The following RAPGEFL1 variants were observed in gnomAD, a reference collection of about 807,000 sequenced individuals.
The protein encoded by RAPGEFL1 is Rap guanine nucleotide exchange factor like 1.
Under a neutral mutation model 64.4 loss-of-function variants are expected in RAPGEFL1, and 31 were observed. That is an observed-to-expected ratio of 0.48 (90% CI 0.36 to 0.65). RAPGEFL1 has a LOEUF of 0.65. RAPGEFL1 is among the 30% of genes least tolerant of loss of function. RAPGEFL1 has a pLI of 0.00. For synonymous variants in RAPGEFL1, 331 were observed against 274.1 expected (o/e 1.21, Z -2.05); for missense variants, 682 against 677.4 (o/e 1.01, Z -0.08).
chr17:40,178,313 C>T lies in RAPGEFL1; in HGVS notation c.452C>T (p.Pro151Leu). The T allele has an allele frequency of 3.2e-6, 2 of 618,544 alleles. No homozygotes were observed. The highest frequency in any genetic ancestry group is 5.8e-6 in the Non-Finnish European group (2 of 342,926). 38.3% of individuals were successfully genotyped at this position (618,544 alleles called of 1,614,324 possible). A position where few individuals can be genotyped will look rare whatever the true frequency, so the allele number is the denominator to read the frequency against. ...PWAPLGAPER[P>L]EHLLNRVLER... Reference sequence around the variant, plus strand: ...GCCCCTCTGGGCGCCCCCGAGCGGCCCGAGCATCTTCTGAACCGGGTTCTG... The same window carrying T: ...GCCCCTCTGGGCGCCCCCGAGCGGCTCGAGCATCTTCTGAACCGGGTTCTG... The change falls in exon 1 of 15, where the codon CCC (proline) becomes CTC (leucine). Residue 151 changes from proline (P) to leucine (L), a missense_variant. Pro to Leu is a moderately conservative substitution (Grantham distance 98, BLOSUM62 -3). Coordinates refer to ENST00000620260, the MANE Select transcript of RAPGEFL1 (RefSeq NM_016339.6).
intron 4 of RAPGEFL1, 32 bp from the exon 5 acceptor site, chr17:40,188,834 G>A (rs148061505): frequency 1.7e-5 from 26 of 1,572,340 alleles, no homozygotes; most frequent in Middle Eastern, 1.7e-4. Flanking sequence ...TGCCTGGCAG[G>A]GCGTGCTGAT....
rs1464034504 is a variant in RAPGEFL1 at position 40,191,291 on chromosome 17, C to T, written c.1336-25C>T. ...TCCCCTCACCCCCTGGCGCCCTGGCCGCCCCTCCGCTGCCGTGGGTGCAGC... is the reference window on the plus strand; with the variant it reads ...TCCCCTCACCCCCTGGCGCCCTGGCTGCCCCTCCGCTGCCGTGGGTGCAGC... On this transcript the variant is annotated intron_variant, in intron 8 of 14. Coordinates refer to ENST00000620260, the MANE Select transcript of RAPGEFL1 (RefSeq NM_016339.6). This position sits in a 1 kb window ranked among gnomAD's most constrained non-coding sequence, Gnocchi z 5.1. The T allele has an allele frequency of 5.9e-6, 9 of 1,533,450 alleles. No homozygotes were observed. The highest frequency in any genetic ancestry group is 7.8e-6 in the Non-Finnish European group (9 of 1,149,242). The allele number at this position is 1,533,450 out of a possible 1,614,324, so 95.0% of individuals were successfully genotyped here.
intron 6 of RAPGEFL1, among the ~76,000 whole-genome samples, chr17:40,190,072 G>C (rs143931149): frequency 6.6e-6 from 1 of 152,180 alleles, no homozygotes; most frequent in East Asian, 1.9e-4. Flanking sequence ...TGTATGTAAG[G>C]ATGCCACATT....
chr17:40,182,130 C>T (rs1989914179), intron 2 of RAPGEFL1, among the ~76,000 whole-genome samples: 1 of 152,030 alleles, frequency 6.6e-6, no homozygotes, highest in South Asian at 2.1e-4. Flanking sequence ...CCCAGCTTTT[C>T]TACTCATCAG....
chr17:40,190,355 T>C, intron 6 of RAPGEFL1, 79 bp from the exon 7 acceptor site: 1 of 1,249,788 alleles, frequency 8.0e-7, no homozygotes, highest in Non-Finnish European at 1.2e-6. Flanking sequence ...GAGGAGTTTT[T>C]GGATAGGACA....
intron 1 of RAPGEFL1, among the ~76,000 whole-genome samples, chr17:40,180,770 A>G (rs954769799): frequency 3.3e-5 from 5 of 152,158 alleles, no homozygotes; most frequent in African/African-American, 1.2e-4. Flanking sequence ...ACCACAGGAG[A>G]TAGTGAACCA....
At chr17:40,188,443 G>T (rs758023702) in intron 4 of RAPGEFL1, 22 of 199,884 alleles carry the variant, frequency 1.1e-4, no homozygotes, top group Admixed American at 2.2e-4. Flanking sequence ...GCAAAATTCA[G>T]CAAACAGCTG....
chr17:40,190,371 AGTGT>A, intron 6 of RAPGEFL1, 59 bp from the exon 7 acceptor site: 1 of 1,401,786 alleles, frequency 7.1e-7, no homozygotes, highest in South Asian at 1.2e-5. Context: ...GGACAGTGTC[AGTGT>A]GGGATGTGTG....
Position 40,191,749 on chromosome 17 carries a change from C to A in RAPGEFL1, c.1605+77C>A. ...CCGAAGTGCGTCCTCCCGGGACGGCCGCCGGCCTGGAGGGAGTCTTTGCGC... is the reference window on the plus strand; with the variant it reads ...CCGAAGTGCGTCCTCCCGGGACGGCAGCCGGCCTGGAGGGAGTCTTTGCGC... On this transcript the variant is annotated intron_variant, in intron 10 of 14. Coordinates refer to ENST00000620260, the MANE Select transcript of RAPGEFL1 (RefSeq NM_016339.6). The surrounding 1 kb of genome is among the most constrained non-coding windows in gnomAD (Gnocchi z 5.1). 7.0e-7 allele frequency: 1 copy of A among 1,438,454 alleles called. No homozygotes were observed. Among genetic ancestry groups the A allele is most frequent in the Non-Finnish European group, 9.6e-7 (1 of 1,043,156 alleles). 89.1% of individuals were successfully genotyped at this position (1,438,454 alleles called of 1,614,324 possible). A position where few individuals can be genotyped will look rare whatever the true frequency, so the allele number is the denominator to read the frequency against.
Position 40,190,667 on chromosome 17 carries a change from TCCC to T in RAPGEFL1, c.1242_1244del (p.Pro415del), listed in dbSNP as rs1283620960. On this transcript the variant is annotated inframe_deletion, in exon 8 of 15. Transcript: ENST00000620260. The stretch of plus-strand genomic sequence containing the variant: ...GCCCCTCCCCGAGGAGATCCAGGTC[TCCC>T]CTGGAGACACAGAGATCCACCGAGT... 1 of 1,614,074 alleles carries T rather than the reference TCCC, an allele frequency of 6.2e-7. No homozygotes were observed. Among genetic ancestry groups the T allele is most frequent in the Non-Finnish European group, 8.5e-7 (1 of 1,180,010 alleles).
intron 4 of RAPGEFL1, among the ~76,000 whole-genome samples, chr17:40,187,912 CTTTTTTTTTT>C (rs1004508368): frequency 8.0e-6 from 1 of 125,156 alleles, no homozygotes; most frequent in Non-Finnish European, 1.7e-5. Context: ...CGCGCCTGGC[CTTTTTTTTTT>C]TTTTTTTTTT....
At chr17:40,189,491 G>A (rs758841609) in intron 6 of RAPGEFL1, 116 bp downstream of exon 6, 78 of 1,197,896 alleles carry the variant, frequency 6.5e-5, no homozygotes, top group East Asian at 5.0e-4. Context: ...GTATGGTCCC[G>A]GGACAAGCCT....
rs1049107057 is a variant in RAPGEFL1 at position 40,177,855 on chromosome 17, G to GT, written c.-7_-6insT. On this transcript the variant is annotated 5_prime_UTR_variant, in exon 1 of 15. Transcript: ENST00000620260. ...CGGCGACCCCTAGGAGAGGGGCGGG[G>GT]GGGGGCATGAAGCCGCTGGAGAAAT... 1.9e-5 allele frequency: 8 copies of GT among 427,814 alleles called. No homozygotes were observed. Among genetic ancestry groups the GT allele is most frequent in the African/African-American group, 1.0e-4 (5 of 48,706 alleles). The allele number at this position is 427,814 out of a possible 1,614,324, so 26.5% of individuals were successfully genotyped here. A position where few individuals can be genotyped will look rare whatever the true frequency, so the allele number is the denominator to read the frequency against.
At chr17:40,178,565 C>T (rs1989798204) in intron 1 of RAPGEFL1, among the ~76,000 whole-genome samples, 184 bp downstream of exon 1, 2 of 152,180 alleles carry the variant, frequency 1.3e-5, no homozygotes, top group South Asian at 4.1e-4. Context: ...CAGTACTCAC[C>T]TTCCTCCCTA....
rs778852416 is a variant in RAPGEFL1, at chr17:40,191,478, A to C, written c.1498A>C (p.Ile500Leu). 6.2e-7 allele frequency: 1 copy of C among 1,606,344 alleles called. No homozygotes were observed. Among genetic ancestry groups the C allele is most frequent in the African/African-American group, 1.3e-5 (1 of 74,558 alleles). The change falls in exon 9 of 15, where the codon ATC (isoleucine) becomes CTC (leucine). Residue 500 changes from isoleucine (I) to leucine (L), a missense_variant. Ile to Leu is a conservative substitution (Grantham distance 5, BLOSUM62 2). This residue lies in a region of RAPGEFL1 where 411 missense variants were observed against 519.4 expected (regional missense o/e 0.79). Transcript: ENST00000620260. This position sits in a 1 kb window ranked among gnomAD's most constrained non-coding sequence, Gnocchi z 5.1. Reference sequence around the variant, plus strand: ...GCGCGCGCAGCTGCTCAAGAAGTTCATCAAGATCGCGGCCCTGTGAGTGCG... The same window carrying C: ...GCGCGCGCAGCTGCTCAAGAAGTTCCTCAAGATCGCGGCCCTGTGAGTGCG... ...GKRAQLLKKF[I>L]KIAALCKQNQ...
chr17:40,183,835 C>CTTTTTTTTTTTTTT (rs34505274), intron 2 of RAPGEFL1, among the ~76,000 whole-genome samples: 1 of 56,880 alleles, frequency 1.8e-5, no homozygotes, highest in Non-Finnish European at 3.1e-5. Flanking sequence ...TTTTTTTTGC[C>CTTTTTTTTTTTTTT]TTTTTTTTTT....
intron 13 of RAPGEFL1, among the ~76,000 whole-genome samples, 159 bp downstream of exon 13, chr17:40,193,149 C>T (rs957350947): frequency 2.6e-5 from 4 of 152,172 alleles, no homozygotes; most frequent in African/African-American, 9.7e-5. Context: ...TGGCAACCCA[C>T]CCACAGGTGG....
In RAPGEFL1 at chr17:40,177,853, G is replaced by GC. The variant is rs1459826588; in HGVS notation, c.-9_-8insC. 1 of 427,452 alleles carries GC rather than the reference G, an allele frequency of 2.3e-6. No homozygotes were observed. The highest frequency in any genetic ancestry group is 2.1e-5 in the African/African-American group (1 of 48,712). The allele number at this position is 427,452 out of a possible 1,614,324, so 26.5% of individuals were successfully genotyped here. On this transcript the variant is annotated 5_prime_UTR_variant, in exon 1 of 15. Coordinates refer to ENST00000620260, the MANE Select transcript of RAPGEFL1 (RefSeq NM_016339.6). ...CCCGGCGACCCCTAGGAGAGGGGCG[G>GC]GGGGGGGCATGAAGCCGCTGGAGAA...
chr17:40,189,856 T>C (rs1990200612), intron 6 of RAPGEFL1, among the ~76,000 whole-genome samples: 1 of 152,130 alleles, frequency 6.6e-6, no homozygotes, highest in African/African-American at 2.4e-5. Flanking sequence ...CTTGGGAGGC[T>C]GAGGCAGGAG....
Sources: allele counts gnomAD v4.1 joint callset (sites outside exome capture counted in the v4.1 genomes callset), GRCh38; gene constraint gnomAD v4.1.1; regional missense constraint gnomAD v4.1.1; non-coding constraint Gnocchi (gnomAD v3.1); transcripts MANE v1.5; gene names NCBI Gene and HGNC (gene_info 2026-07-23, HGNC 2026-07-21).